PCDHGA2: variants seen among roughly 807,000 people sequenced by gnomAD.
The protein encoded by PCDHGA2 is protocadherin gamma-A2.
A neutral mutation model predicts 59.2 loss-of-function variants in PCDHGA2; 40 were observed. That is an observed-to-expected ratio of 0.68 (90% confidence interval 0.52 to 0.88). The LOEUF (loss-of-function observed/expected upper bound fraction) is 0.88, where lower values mean the gene tolerates loss of function less well. Among genes scored for constraint, PCDHGA2 ranks in the 40% least tolerant of loss-of-function variants. PCDHGA2 has a pLI of 0.00. For missense variants in PCDHGA2, 1,226 were observed against 1,204.0 expected (o/e 1.02, Z -0.27); for synonymous variants, 560 against 526.0 (o/e 1.06, Z -0.89).
chr5:141,415,163 C>A, intron 1 of PCDHGA2: 1 of 1,613,856 alleles, frequency 6.2e-7, no homozygotes. Flanking sequence ...GCCACTGTCA[C>A]GCTCACCGTG....
rs758673205 is a variant in PCDHGA2, at chr5:141,376,309, CGT to C, written c.2424+34916_2424+34917del. The C allele has an allele frequency of 7.2e-5, 117 of 1,614,148 alleles. No homozygotes were observed. The South Asian group carries it at 1.3e-3, about 17-fold the overall frequency. ...GCATGCCCGGCTCGCACTTTGTGGG[CGT>C]GGAAGGGGTTCGGGCTTTCCTGCAG... On this transcript the variant is annotated intron_variant, in intron 1 of 3. Coordinates refer to ENST00000394576, the MANE Select transcript of PCDHGA2 (RefSeq NM_018915.4).
At chr5:141,366,349 T>C in intron 1 of PCDHGA2, 1 of 1,613,938 alleles carries the variant, frequency 6.2e-7, no homozygotes, top group Non-Finnish European at 8.5e-7. Context: ...ACATCCTGGC[T>C]GACCTAGGCA....
intron 1 of PCDHGA2, chr5:141,389,267 G>A: frequency 6.2e-7 from 1 of 1,614,008 alleles, no homozygotes; most frequent in African/African-American, 1.3e-5. Flanking sequence ...ACGTGGCCGA[G>A]AACAACCCGC....
In PCDHGA2 at chr5:141,340,409, G is replaced by T. The variant is rs999425469; in HGVS notation, c.1438G>T (p.Asp480Tyr). 8.7e-6 allele frequency: 14 copies of T among 1,614,084 alleles called. No individual in the cohort carries two copies. Among genetic ancestry groups the T allele is most frequent in the Non-Finnish European group, 1.2e-5 (14 of 1,180,020 alleles). Reference sequence around the variant, plus strand: ...CTTCTCAGTGACGGCCCATGACCCCGACAGCAACGACAATGCTCATGTAAC... The same window carrying T: ...CTTCTCAGTGACGGCCCATGACCCCTACAGCAACGACAATGCTCATGTAAC... Reference protein sequence around the residue: ...SVFSVTAHDPDSNDNAHVTYS... With the variant: ...SVFSVTAHDPYSNDNAHVTYS... Residue 480 changes from aspartate (D) to tyrosine (Y), a missense_variant, in exon 1 of 4, where the codon GAC becomes TAC. Asp to Tyr is a radical substitution (Grantham distance 160). Transcript: ENST00000394576.
intron 1 of PCDHGA2, among the ~76,000 whole-genome samples, chr5:141,373,754 ATAT>A (rs1224910859): frequency 6.6e-6 from 1 of 152,230 alleles, no homozygotes; most frequent in Non-Finnish European, 1.5e-5. Context: ...GGGGAGGGAA[ATAT>A]TATGAGTGTC....
At chr5:141,375,644 G>T (rs762047740) in intron 1 of PCDHGA2, 5 of 1,614,180 alleles carry the variant, frequency 3.1e-6, no homozygotes, top group Non-Finnish European at 4.2e-6. Context: ...GCGCTCCTTC[G>T]ACTATGAGCA....
At chr5:141,417,770 T>G in intron 1 of PCDHGA2, 1 of 1,456,418 alleles carries the variant, frequency 6.9e-7, no homozygotes, top group Non-Finnish European at 9.1e-7. Context: ...CCGGGACTCC[T>G]CCTGTCCTGG....
chr5:141,344,074 C>A (rs768383446), intron 1 of PCDHGA2: 1 of 1,608,972 alleles, frequency 6.2e-7, no homozygotes, highest in South Asian at 1.1e-5. Flanking sequence ...AGAGGACTGG[C>A]CCTGCTGTGC....
chr5:141,350,416 G>A (rs779298744), intron 1 of PCDHGA2: 37 of 1,606,260 alleles, frequency 2.3e-5, no homozygotes, highest in Non-Finnish European at 2.6e-5. Flanking sequence ...CCAAGGATCT[G>A]GGGCTCAGTG....
At chr5:141,409,515 T>G (rs1273041163) in intron 1 of PCDHGA2, 1 of 1,613,844 alleles carries the variant, frequency 6.2e-7, no homozygotes, top group Non-Finnish European at 8.5e-7. Context: ...AGTAGAAGCA[T>G]CACCTTGTAT....
intron 1 of PCDHGA2, among the ~76,000 whole-genome samples, chr5:141,381,978 C>T (rs1002371340): frequency 6.6e-6 from 1 of 151,452 alleles, no homozygotes; most frequent in Non-Finnish European, 1.5e-5. Flanking sequence ...TACAGGCGCG[C>T]GCCACCACGC....
Position 141,413,628 on chromosome 5 carries a change from T to G in PCDHGA2, c.2424+72233T>G, listed in dbSNP as rs570797524. 4.3e-6 allele frequency: 7 copies of G among 1,613,878 alleles called. No homozygotes were observed. The African/African-American group carries it at 6.7e-5, about 15-fold the overall frequency. On this transcript the variant is annotated intron_variant, in intron 1 of 3. Coordinates refer to ENST00000394576, the MANE Select transcript of PCDHGA2 (RefSeq NM_018915.4). ...ACGTAAAAATTAATGAAAATGTCGC[T>G]GCGGGAATGCGTTTTCCTCTCCCGG...
intron 1 of PCDHGA2, among the ~76,000 whole-genome samples, chr5:141,386,669 A>T (rs774102519): frequency 4.6e-5 from 7 of 152,086 alleles, no homozygotes; most frequent in Admixed American, 1.3e-4. Flanking sequence ...CAGTGTTCAC[A>T]TTTCAGATGT....
intron 1 of PCDHGA2, chr5:141,388,314 G>C: frequency 6.2e-7 from 1 of 1,613,824 alleles, no homozygotes; most frequent in Non-Finnish European, 8.5e-7. Context: ...GCAAATAAGT[G>C]AGTCTGCACA....
At chr5:141,413,877 G>GAC (rs751994783) in intron 1 of PCDHGA2, 1 of 1,613,386 alleles carries the variant, frequency 6.2e-7, no homozygotes. Flanking sequence ...TTGTCAGTGT[G>GAC]ACTGTCTTCG....
chr5:141,452,533 A>G lies in PCDHGA2; in HGVS notation c.2425-42274A>G, dbSNP rs562306062. ...CACACTCCCTCAAAATCGTGAGTTC[A>G]TATTGATACCTCCAGTTCTGGTTCT... On this transcript the variant is annotated intron_variant, in intron 1 of 3. Transcript: ENST00000394576. Among the ~76,000 whole-genome samples the G allele has an allele frequency of 2.0e-5, 3 of 152,328 alleles. No individual in the cohort carries two copies. The East Asian group carries it at 5.8e-4, about 29-fold the overall frequency.
At chr5:141,510,518 G>A (rs904482737) in intron 3 of PCDHGA2, among the ~76,000 whole-genome samples, 9 of 152,112 alleles carry the variant, frequency 5.9e-5, no homozygotes, top group Non-Finnish European at 1.0e-4. Flanking sequence ...CCGTGTCACA[G>A]CCCTGAGAGA....
In PCDHGA2 at chr5:141,491,419, G is replaced by A. The variant is rs1422517367; in HGVS notation, c.2425-3388G>A. On this transcript the variant is annotated intron_variant, in intron 1 of 3. Coordinates refer to ENST00000394576, the MANE Select transcript of PCDHGA2 (RefSeq NM_018915.4). This position sits in a 1 kb window ranked among gnomAD's most constrained non-coding sequence, Gnocchi z 6.9. ...GGGAAACGCAGACGGGGACGGGGGT[G>A]GAGGGCAGTGCTGCAGGCGCCAGGA... 1 of 1,614,124 alleles carries A rather than the reference G, an allele frequency of 6.2e-7. No individual in the cohort carries two copies.
chr5:141,365,365 C>T (rs761258930), intron 1 of PCDHGA2: 23 of 1,613,810 alleles, frequency 1.4e-5, no homozygotes, highest in Non-Finnish European at 1.9e-5. Context: ...ACAATGCCCC[C>T]GAAGTGATCC....
Sources: gnomAD v4.1 joint callset for allele counts (sites outside exome capture counted in the v4.1 genomes callset) on GRCh38, gnomAD v4.1.1 for gene constraint, Gnocchi (gnomAD v3.1) non-coding constraint, MANE v1.5 for transcripts, NCBI Gene and HGNC (gene_info 2026-07-23, HGNC 2026-07-21) for gene names.